The following IMMP2L variants were observed in gnomAD, a reference collection of about 807,000 sequenced individuals.
IMMP2L encodes inner mitochondrial membrane peptidase subunit 2.
Under a neutral mutation model 19.3 loss-of-function variants are expected in IMMP2L, and 18 were observed. The ratio of observed to expected loss-of-function variants is 0.93; its 90% CI spans 0.64 to 1.38. The LOEUF is 1.38. Ranked by LOEUF, IMMP2L falls within the 40% of genes most tolerant of loss-of-function variation. The pLI, the probability that IMMP2L is intolerant of heterozygous loss-of-function variation, is 0.00. For missense variants in IMMP2L, 233 were observed against 218.2 expected (o/e 1.07, Z -0.43); for synonymous variants, 76 against 73.0 (o/e 1.04, Z -0.21).
intron 3 of IMMP2L, chr7:111,125,541 C>T (rs1429572490): frequency 6.1e-6 from 1 of 163,420 alleles, no homozygotes; most frequent in Admixed American, 6.6e-5. Context: ...GAGTAAGACA[C>T]TTTTCTTGGG....
intron 3 of IMMP2L, among the ~76,000 whole-genome samples, chr7:111,397,501 C>T (rs113073070): frequency 0.021 from 3,155 of 152,196 alleles, 111 homozygotes; most frequent in African/African-American, 0.072. Flanking sequence ...CATGTAAATA[C>T]TGTCAAGCCT....
intron 3 of IMMP2L, among the ~76,000 whole-genome samples, chr7:111,359,849 G>A (rs1389234967): frequency 6.6e-6 from 1 of 152,064 alleles, no homozygotes; most frequent in African/African-American, 2.4e-5. Context: ...CAAGAAGTAG[G>A]TGGAGGGAGG....
rs140390777 is a variant in IMMP2L at position 110,668,415 on chromosome 7, T to C, written c.409-4694A>G. ...TCCATCTCTTCTACAATAACCCTTT[T>C]TAAAATTTGATAGCTGCTACTCAGA... On this transcript the variant is annotated intron_variant, in intron 5 of 5. Coordinates refer to ENST00000405709, the MANE Select transcript of IMMP2L (RefSeq NM_032549.4). Among the ~76,000 whole-genome samples the C allele has an allele frequency of 1.1e-3, 174 of 152,298 alleles. 4 individuals carry two copies. In the East Asian group the frequency reaches 0.028, roughly 24 times the overall value.
chr7:111,398,901 CT>C (rs1448366592), intron 3 of IMMP2L, among the ~76,000 whole-genome samples: 1 of 149,058 alleles, frequency 6.7e-6, no homozygotes, highest in Non-Finnish European at 1.5e-5. Context: ...AAAAAAAATA[CT>C]TAGGAATACA....
At chr7:111,453,575 T>G (rs576937448) in intron 3 of IMMP2L, among the ~76,000 whole-genome samples, 33 of 152,264 alleles carry the variant, frequency 2.2e-4, no homozygotes, top group African/African-American at 7.5e-4. Context: ...TTAAACTGAT[T>G]AAGCACATGT....
chr7:110,921,852 T>C (rs940213016), intron 4 of IMMP2L, among the ~76,000 whole-genome samples: 1 of 152,324 alleles, frequency 6.6e-6, no homozygotes, highest in Admixed American at 6.5e-5. Flanking sequence ...AAGTTAACAG[T>C]AGACTACTCC....
chr7:110,966,299 T>C lies in IMMP2L; in HGVS notation c.240-2734A>G, dbSNP rs545600206. ...GAAAAGTTCTGTGTGGATAAAAGCT[T>C]TCATGCCCAGATTTTTGGTCCACAT... On this transcript the variant is annotated intron_variant, in intron 3 of 5. Transcript: ENST00000405709. Among the ~76,000 whole-genome samples, 5 of 152,112 alleles carry C rather than the reference T, an allele frequency of 3.3e-5. No individual in the cohort carries two copies. The East Asian group carries it at 9.7e-4, about 30-fold the overall frequency.
At chr7:110,899,859 T>C (rs1288061035) in intron 4 of IMMP2L, among the ~76,000 whole-genome samples, 1 of 152,230 alleles carries the variant, frequency 6.6e-6, no homozygotes, top group Non-Finnish European at 1.5e-5. Flanking sequence ...GAACTTTGAA[T>C]ATTTTTGTTT....
intron 3 of IMMP2L, among the ~76,000 whole-genome samples, chr7:111,133,965 G>A (rs1313286440): frequency 1.3e-5 from 2 of 151,978 alleles, no homozygotes; most frequent in Non-Finnish European, 2.9e-5. Context: ...TGGCCAAAAT[G>A]TCACTCCAGC....
At position 111,354,177 on chromosome 7, in the gene IMMP2L, A is replaced by T. The variant is rs940273113; in HGVS notation, c.239+133061T>A. Among the ~76,000 whole-genome samples, 13 of 152,078 alleles carry T rather than the reference A, an allele frequency of 8.5e-5. No individual in the cohort carries two copies. The East Asian group carries it at 2.1e-3, about 25-fold the overall frequency. ...TTATAAATATAGGTACAAATTTTCCAAATAAAATCTTGATAAATCCAGCTG... is the reference window on the plus strand; with the variant it reads ...TTATAAATATAGGTACAAATTTTCCTAATAAAATCTTGATAAATCCAGCTG... On this transcript the variant is annotated intron_variant, in intron 3 of 5. Coordinates refer to ENST00000405709, the MANE Select transcript of IMMP2L (RefSeq NM_032549.4).
chr7:111,325,807 C>A (rs548365926), intron 3 of IMMP2L, among the ~76,000 whole-genome samples: 3 of 151,788 alleles, frequency 2.0e-5, no homozygotes, highest in South Asian at 4.1e-4. Context: ...TACATTCTAT[C>A]TTTTGGCATC....
At chr7:110,856,363 G>A (rs751355806) in intron 5 of IMMP2L, among the ~76,000 whole-genome samples, 9 of 151,938 alleles carry the variant, frequency 5.9e-5, no homozygotes, top group Non-Finnish European at 1.2e-4. Flanking sequence ...ACTTAGCTAA[G>A]GGCAGAATAA....
At chr7:111,495,403 TA>T (rs1267129353) in intron 2 of IMMP2L, among the ~76,000 whole-genome samples, 1 of 152,210 alleles carries the variant, frequency 6.6e-6, no homozygotes, top group Non-Finnish European at 1.5e-5. Flanking sequence ...TAAGTTATGC[TA>T]AAGCTAGAAA....
chr7:110,726,027 A>G (rs890034624), intron 5 of IMMP2L, among the ~76,000 whole-genome samples: 7 of 152,218 alleles, frequency 4.6e-5, no homozygotes, highest in Non-Finnish European at 7.3e-5. Context: ...TAGAGATTAA[A>G]TAACTTGCCC....
chr7:111,212,160 GTCTCTA>G (rs547851990), intron 3 of IMMP2L, among the ~76,000 whole-genome samples: 2 of 151,554 alleles, frequency 1.3e-5, no homozygotes, highest in African/African-American at 4.9e-5. Flanking sequence ...CTCTCTCTCT[GTCTCTA>G]TCTCTATCTC....
intron 3 of IMMP2L, among the ~76,000 whole-genome samples, chr7:111,055,236 G>T (rs145571722): frequency 6.6e-6 from 1 of 151,836 alleles, no homozygotes; most frequent in South Asian, 2.1e-4. Context: ...ACAGAGTCCC[G>T]CAACGTTCAC....
At chr7:111,126,346 T>C (rs1271406690) in intron 3 of IMMP2L, among the ~76,000 whole-genome samples, 1 of 152,186 alleles carries the variant, frequency 6.6e-6, no homozygotes, top group African/African-American at 2.4e-5. Context: ...GCATTAGTAG[T>C]AGAAGTTTAA....
chr7:110,784,080 C>T (rs1053312766), intron 5 of IMMP2L, among the ~76,000 whole-genome samples: 4 of 151,890 alleles, frequency 2.6e-5, no homozygotes, highest in Non-Finnish European at 5.9e-5. Flanking sequence ...AATTACTCTC[C>T]AATTTGCCCT....
chr7:111,033,094 TG>T (rs1275474110), intron 3 of IMMP2L, among the ~76,000 whole-genome samples: 11 of 152,298 alleles, frequency 7.2e-5, no homozygotes, highest in African/African-American at 2.2e-4. Context: ...CACTCCAGCC[TG>T]GGTGACAGAG....
Sources: allele counts gnomAD v4.1 joint callset (sites outside exome capture counted in the v4.1 genomes callset), GRCh38; gene constraint gnomAD v4.1.1; transcripts MANE v1.5; gene names NCBI Gene and HGNC (gene_info 2026-07-23, HGNC 2026-07-21).